SEMA6D: variants seen among roughly 807,000 people sequenced by gnomAD.
SEMA6D encodes the protein semaphorin-6D.
SEMA6D carries 35 observed loss-of-function variants against 106.6 expected under a neutral mutation model. That is an observed-to-expected ratio of 0.33 (90% CI 0.25 to 0.44). SEMA6D has a LOEUF of 0.44. SEMA6D is among the 20% of genes least tolerant of loss of function. The pLI, the probability that SEMA6D is intolerant of heterozygous loss-of-function variation, is 1.00. For synonymous variants in SEMA6D, 499 were observed against 487.7 expected (o/e 1.02, Z -0.31); for missense variants, 1,185 against 1,345.9 (o/e 0.88, Z 1.87).
At chr15:47,417,413 A>ATG (rs34541759) in intron 2 of SEMA6D, among the ~76,000 whole-genome samples, 45,724 of 146,446 alleles carry the variant, frequency 0.31, 7,587 homozygotes, top group African/African-American at 0.46. Context: ...GTGTGTGTAT[A>ATG]TGTGTGTGTG....
At chr15:47,355,564 C>T (rs1340397223) in intron 1 of SEMA6D, among the ~76,000 whole-genome samples, 1 of 152,180 alleles carries the variant, frequency 6.6e-6, no homozygotes, top group Non-Finnish European at 1.5e-5. Context: ...CCATCGTAGT[C>T]TTTCTAGAGA....
At chr15:47,572,260 T>C (rs1319391951) in intron 3 of SEMA6D, among the ~76,000 whole-genome samples, 1 of 152,234 alleles carries the variant, frequency 6.6e-6, no homozygotes, top group Non-Finnish European at 1.5e-5. Flanking sequence ...CAAATGAGGT[T>C]TATAGGTTAT....
chr15:47,630,641 A>G (rs2077277629), intron 4 of SEMA6D, among the ~76,000 whole-genome samples: 2 of 151,794 alleles, frequency 1.3e-5, no homozygotes, highest in Non-Finnish European at 3.0e-5. Flanking sequence ...GTTGAATAAG[A>G]GTAGTAAGGG....
chr15:47,667,326 C>T (rs1173829462), intron 4 of SEMA6D, among the ~76,000 whole-genome samples: 1 of 152,116 alleles, frequency 6.6e-6, no homozygotes, highest in Non-Finnish European at 1.5e-5. Context: ...GTACAAACAC[C>T]ATTCAAACAC....
At chr15:47,700,122 AAATC>A (rs1352416164) in intron 4 of SEMA6D, among the ~76,000 whole-genome samples, 1 of 135,378 alleles carries the variant, frequency 7.4e-6, no homozygotes, top group African/African-American at 2.9e-5. Context: ...TTATTGAAAT[AAATC>A]AAAAAGGAAC....
chr15:47,346,919 CT>C (rs1002212390), intron 1 of SEMA6D, among the ~76,000 whole-genome samples: 5 of 150,798 alleles, frequency 3.3e-5, no homozygotes, highest in Admixed American at 6.6e-5. Flanking sequence ...TCTTTTTCTT[CT>C]TTTTTTTTGA....
chr15:47,405,646 G>A (rs150283384), intron 1 of SEMA6D, among the ~76,000 whole-genome samples: 3 of 152,178 alleles, frequency 2.0e-5, no homozygotes, highest in Non-Finnish European at 2.9e-5. Flanking sequence ...TCTGCTTCTC[G>A]TGTTGCCTGA....
intron 3 of SEMA6D, among the ~76,000 whole-genome samples, chr15:47,516,615 G>T (rs1436337857): frequency 1.3e-5 from 2 of 152,138 alleles, no homozygotes; most frequent in Non-Finnish European, 2.9e-5. Context: ...GCAACTAAGG[G>T]ACAGAAAAGC....
At chr15:47,741,695 C>A (rs1218593713) in intron 1 of SEMA6D, among the ~76,000 whole-genome samples, 1 of 151,400 alleles carries the variant, frequency 6.6e-6, no homozygotes, top group Non-Finnish European at 1.5e-5. Flanking sequence ...GCCTGGGCAA[C>A]AAGAGCAAAA....
At chr15:47,440,395 G>T (rs1298220714) in intron 2 of SEMA6D, among the ~76,000 whole-genome samples, 3 of 152,040 alleles carry the variant, frequency 2.0e-5, no homozygotes, top group African/African-American at 7.2e-5. Flanking sequence ...CTAGTTATTG[G>T]CAAGAAATCT....
chr15:47,636,080 A>C (rs1479796786), intron 4 of SEMA6D, among the ~76,000 whole-genome samples: 2 of 152,152 alleles, frequency 1.3e-5, no homozygotes, highest in African/African-American at 4.8e-5. Flanking sequence ...TTGCTCTCAA[A>C]ATTGACAGAG....
upstream of SEMA6D, among the ~76,000 whole-genome samples, chr15:47,716,330 A>C (rs1257180524): frequency 6.6e-6 from 1 of 152,104 alleles, no homozygotes; most frequent in Non-Finnish European, 1.5e-5. Flanking sequence ...GTTCCTTTTC[A>C]AGGCTGTCCT....
intron 4 of SEMA6D, among the ~76,000 whole-genome samples, chr15:47,635,957 T>TAAAAAAAA (rs5812405): frequency 7.1e-6 from 1 of 140,734 alleles, no homozygotes. Context: ...ACTTAAATGC[T>TAAAAAAAA]AAAAAAAAAA....
intron 1 of SEMA6D, among the ~76,000 whole-genome samples, chr15:47,309,678 C>T (rs2036369388): frequency 6.6e-6 from 1 of 152,146 alleles, no homozygotes; most frequent in South Asian, 2.1e-4. Flanking sequence ...CTACTGTACA[C>T]CTGACATACT....
chr15:47,265,492 A>G (rs139690954), intron 1 of SEMA6D, among the ~76,000 whole-genome samples: 1,790 of 151,838 alleles, frequency 0.012, 32 homozygotes, highest in Admixed American at 0.013. Context: ...TTGTCCTCAT[A>G]CCTTTTTTGT....
chr15:47,381,276 A>G (rs535171374), intron 1 of SEMA6D, among the ~76,000 whole-genome samples: 8 of 152,376 alleles, frequency 5.3e-5, no homozygotes, highest in South Asian at 2.1e-4. Flanking sequence ...GAACAATCCA[A>G]TTAGAGGCAT....
intron 1 of SEMA6D, among the ~76,000 whole-genome samples, chr15:47,368,230 AG>A: frequency 6.6e-6 from 1 of 152,350 alleles, no homozygotes; most frequent in East Asian, 1.9e-4. Context: ...GCAGTGATTC[AG>A]GGAGGCAGCT....
chr15:47,387,597 T>C (rs2039884357), intron 1 of SEMA6D, among the ~76,000 whole-genome samples: 1 of 152,244 alleles, frequency 6.6e-6, no homozygotes, highest in African/African-American at 2.4e-5. Context: ...TTATTTCTTC[T>C]AATTATATGA....
intron 1 of SEMA6D, among the ~76,000 whole-genome samples, chr15:47,747,810 G>GA (rs2081227767): frequency 6.6e-6 from 1 of 152,242 alleles, no homozygotes; most frequent in Non-Finnish European, 1.5e-5. Flanking sequence ...TTTATAACTA[G>GA]AAAAAAGGCC....
Sources: allele counts gnomAD v4.1 joint callset (sites outside exome capture counted in the v4.1 genomes callset), GRCh38; gene constraint gnomAD v4.1.1; transcripts MANE v1.5; gene names NCBI Gene and HGNC (gene_info 2026-07-23, HGNC 2026-07-21).